Variants in ZNF362 observed in about 807,000 individuals in gnomAD.
The protein encoded by ZNF362 is rotund homolog.
Under a neutral mutation model 42.9 loss-of-function variants are expected in ZNF362, and 11 were observed. The ratio of observed to expected loss-of-function variants is 0.26; its 90% CI spans 0.16 to 0.42. ZNF362 has a LOEUF of 0.42. ZNF362 is among the 20% of genes least tolerant of loss of function. The pLI, the probability that ZNF362 is intolerant of heterozygous loss-of-function variation, is 1.00. For missense variants in ZNF362, 362 were observed against 576.2 expected (o/e 0.63, Z 3.81); for synonymous variants, 255 against 257.3 (o/e 0.99, Z 0.09).
intron 1 of ZNF362, among the ~76,000 whole-genome samples, chr1:33,257,876 TG>T (rs1645804560): frequency 6.6e-6 from 1 of 152,152 alleles, no homozygotes; most frequent in Admixed American, 6.5e-5. Flanking sequence ...GCCCAAGCCC[TG>T]GGGTGACCCT....
At chr1:33,149,305 A>G in the ZNF362 span, among the ~76,000 whole-genome samples, 1 of 152,150 alleles carries the variant, frequency 6.6e-6, no homozygotes, top group African/African-American at 2.4e-5. Flanking sequence ...GGCACGCGCC[A>G]CCACGCCTGG....
the ZNF362 span, chr1:33,176,480 G>A: frequency 7.2e-6 from 5 of 692,250 alleles, no homozygotes; most frequent in East Asian, 1.3e-4. Context: ...GGGCTCCAAT[G>A]GTCACATGAG....
the ZNF362 span, among the ~76,000 whole-genome samples, chr1:33,224,922 T>C: frequency 6.6e-6 from 1 of 151,722 alleles, no homozygotes; most frequent in East Asian, 1.9e-4. Flanking sequence ...GAAAAAGATA[T>C]ATATTCAAAG....
the ZNF362 span, among the ~76,000 whole-genome samples, chr1:33,242,408 A>T: frequency 6.6e-6 from 1 of 152,176 alleles, no homozygotes; most frequent in Non-Finnish European, 1.5e-5. Flanking sequence ...GAAGTCACAT[A>T]GGATAAGGAT....
At chr1:33,209,054 G>T in the ZNF362 span, among the ~76,000 whole-genome samples, 5 of 152,122 alleles carry the variant, frequency 3.3e-5, no homozygotes, top group African/African-American at 1.2e-4. Context: ...TTGGCTGTGG[G>T]TTTGTCATAA....
chr1:33,200,051 A>AC, the ZNF362 span: 1 of 152,948 alleles, frequency 6.5e-6, no homozygotes, highest in African/African-American at 2.4e-5. Context: ...ACAAAACAAA[A>AC]CAAAAAAACC....
At chr1:33,273,092 C>G (rs2148087753) in intron 2 of ZNF362, among the ~76,000 whole-genome samples, 1 of 152,368 alleles carries the variant, frequency 6.6e-6, no homozygotes, top group South Asian at 2.1e-4. Flanking sequence ...CAGGGCTGCA[C>G]AGGGGATACC....
chr1:33,299,031 A>C lies in ZNF362; in HGVS notation c.1248A>C (p.Arg416=), dbSNP rs199806949. Residue 416 remains arginine (R), a synonymous_variant, in exon 9 of 9, where the codon CGA becomes CGC. Transcript: ENST00000539719. ...QRTESPGIPV[R]ISLI ...CGGAGTCCCCCGGCATCCCGGTGCG[A>C]ATCTCTCTCATCTGAGCCCACTGGA... 1 of 1,609,788 alleles carries C rather than the reference A, an allele frequency of 6.2e-7. No individual in the cohort carries two copies. Among genetic ancestry groups the C allele is most frequent in the Admixed American group, 1.7e-5 (1 of 60,020 alleles).
chr1:33,183,099 T>G, the ZNF362 span, among the ~76,000 whole-genome samples: 4 of 152,072 alleles, frequency 2.6e-5, no homozygotes, highest in Non-Finnish European at 5.9e-5. Context: ...ACCCCTAAGG[T>G]GCTGTTGTCA....
chr1:33,256,129 G>C (rs918181251), upstream of ZNF362, among the ~76,000 whole-genome samples: 2 of 150,636 alleles, frequency 1.3e-5, no homozygotes, highest in Admixed American at 6.6e-5. Flanking sequence ...CTCTGCCTCC[G>C]GCGCGGCGCG....
At chr1:33,242,189 A>C in the ZNF362 span, among the ~76,000 whole-genome samples, 1 of 152,152 alleles carries the variant, frequency 6.6e-6, no homozygotes, top group Non-Finnish European at 1.5e-5. Flanking sequence ...GGGAGGGAGA[A>C]TTAACCTTGT....
At position 33,280,450 on chromosome 1, in the gene ZNF362, A is replaced by G. The variant is rs1270797039; in HGVS notation, c.676A>G (p.Thr226Ala). Residue 226 changes from threonine (T) to alanine (A), a missense_variant, in exon 5 of 9, where the codon ACG becomes GCG. Thr to Ala is a moderately conservative substitution (Grantham distance 58). Coordinates refer to ENST00000539719, the MANE Select transcript of ZNF362 (RefSeq NM_152493.3). This position sits in a 1 kb window ranked among gnomAD's most constrained non-coding sequence, Gnocchi z 5.6. ...ASGETAKEGKTYRCKVCPLTF... is the reference protein window; with the variant it reads ...ASGETAKEGKAYRCKVCPLTF... ...GGGCGAGACTGCCAAGGAGGGCAAG[A>G]CGTACAGGTGGGGGTCTTGGCGGGA... 2 of 1,591,342 alleles carry G rather than the reference A, an allele frequency of 1.3e-6. No homozygotes were observed. The highest frequency in any genetic ancestry group is 2.3e-5 in the South Asian group (2 of 88,486).
In ZNF362 at chr1:33,300,648, A is replaced by C. The variant is rs936367167; in HGVS notation, c.*1602A>C. Reference sequence around the variant, plus strand: ...GGGGGAAAACACTAAAGGGGGCAAGAAACAAAGGAATTACAAACCCTCTGC... The same window carrying C: ...GGGGGAAAACACTAAAGGGGGCAAGCAACAAAGGAATTACAAACCCTCTGC... On this transcript the variant is annotated 3_prime_UTR_variant, in exon 9 of 9. Coordinates refer to ENST00000539719, the MANE Select transcript of ZNF362 (RefSeq NM_152493.3). The C allele has an allele frequency of 4.6e-5, 7 of 152,160 alleles. No homozygotes were observed. Among genetic ancestry groups the C allele is most frequent in the African/African-American group, 1.4e-4 (6 of 41,418 alleles). The allele number at this position is 152,160 out of a possible 1,614,324, so 9.4% of individuals were successfully genotyped here.
At chr1:33,153,257 C>T in the ZNF362 span, among the ~76,000 whole-genome samples, 2 of 152,196 alleles carry the variant, frequency 1.3e-5, no homozygotes, top group South Asian at 2.1e-4. Context: ...ACAGGCCCCA[C>T]AGACAAAGAA....
chr1:33,135,652 C>G, the ZNF362 span, among the ~76,000 whole-genome samples: 1 of 152,212 alleles, frequency 6.6e-6, no homozygotes. Context: ...CCTTCCTGGA[C>G]AACTTTGCCC....
chr1:33,154,037 G>A, the ZNF362 span, among the ~76,000 whole-genome samples: 1 of 152,218 alleles, frequency 6.6e-6, no homozygotes, highest in African/African-American at 2.4e-5. Context: ...AGATGCCAAG[G>A]AGAGTAAGAG....
At chr1:33,210,412 G>A in the ZNF362 span, among the ~76,000 whole-genome samples, 1 of 152,184 alleles carries the variant, frequency 6.6e-6, no homozygotes, top group Non-Finnish European at 1.5e-5. Context: ...TTGATTTGGG[G>A]TGAAGAATTC....
At chr1:33,159,715 A>G in the ZNF362 span, 2 of 1,610,820 alleles carry the variant, frequency 1.2e-6, no homozygotes, top group Non-Finnish European at 1.7e-6. This position sits in a 1 kb window ranked among gnomAD's most constrained non-coding sequence, Gnocchi z 4.2. Flanking sequence ...CACCCCAGCC[A>G]GGAAGGTGTG....
At chr1:33,142,840 C>T in the ZNF362 span, 1 of 152,222 alleles carries the variant, frequency 6.6e-6, no homozygotes, top group African/African-American at 2.4e-5. Flanking sequence ...TGATTTCCAG[C>T]TCTGCCGAGT....
Sources: gnomAD v4.1 joint callset for allele counts (sites outside exome capture counted in the v4.1 genomes callset) on GRCh38, gnomAD v4.1.1 for gene constraint, Gnocchi (gnomAD v3.1) non-coding constraint, MANE v1.5 for transcripts, NCBI Gene and HGNC (gene_info 2026-07-23, HGNC 2026-07-21) for gene names.